NYX: variants seen among roughly 807,000 people sequenced by gnomAD.
The protein encoded by NYX is leucine-rich repeat protein.
For missense variants in NYX, 481 were observed against 485.4 expected (o/e 0.99, Z 0.09); for synonymous variants, 258 against 245.7 (o/e 1.05, Z -0.47).
chrX:41,461,444 T>C (rs893315066), intron 2 of NYX, among the ~76,000 whole-genome samples: 1 of 109,300 alleles, frequency 9.1e-6, no homozygotes, highest in African/African-American at 3.3e-5. Context: ...CTGATGGGCA[T>C]TTGGGGTGGT....
chrX:41,475,026 A>T lies in NYX; in HGVS notation c.*127A>T, dbSNP rs978067833. The T allele has an allele frequency of 5.1e-5, 31 of 609,753 alleles. No homozygotes were observed. Among genetic ancestry groups the T allele is most frequent in the Middle Eastern group, 6.9e-4 (2 of 2,898 alleles). 50.3% of individuals were successfully genotyped at this position (609,753 alleles called of 1,213,427 possible). Reference sequence around the variant, plus strand: ...GGTGGAAGGAACCGTTTGCCTCCAGAGATGGCCCCAGGGAGAACACAGGGA... The same window carrying T: ...GGTGGAAGGAACCGTTTGCCTCCAGTGATGGCCCCAGGGAGAACACAGGGA... On this transcript the variant is annotated 3_prime_UTR_variant, in exon 3 of 3. Coordinates refer to ENST00000378220, the MANE Select transcript of NYX (RefSeq NM_001378477.3).
intron 2 of NYX, among the ~76,000 whole-genome samples, chrX:41,456,156 G>C (rs1165677510): frequency 9.0e-6 from 1 of 111,309 alleles, no homozygotes; most frequent in Non-Finnish European, 1.9e-5. Flanking sequence ...GATCAACATG[G>C]TGGAACCCCG....
intron 2 of NYX, among the ~76,000 whole-genome samples, chrX:41,459,644 G>T (rs773044535): frequency 1.8e-5 from 2 of 110,470 alleles, no homozygotes; most frequent in African/African-American, 3.3e-5. Context: ...AAAGAAAAAA[G>T]AAAACAAAAA....
At chrX:41,468,733 A>G (rs2064349293) in intron 2 of NYX, among the ~76,000 whole-genome samples, 1 of 112,487 alleles carries the variant, frequency 8.9e-6, no homozygotes, top group South Asian at 3.7e-4. Flanking sequence ...GACTGAGTGT[A>G]CTTTCCTTAA....
chrX:41,471,404 A>C (rs1041514837), intron 2 of NYX, among the ~76,000 whole-genome samples: 1 of 112,217 alleles, frequency 8.9e-6, no homozygotes, highest in African/African-American at 3.2e-5. Context: ...GAGCCACCGC[A>C]CCTGGCCCAG....
At chrX:41,472,553 A>T in intron 2 of NYX, 1 of 552,866 alleles carries the variant, frequency 1.8e-6, no homozygotes, top group Non-Finnish European at 3.1e-6. Context: ...CTCTGACTAC[A>T]GGGGGGCTCT....
chrX:41,474,798 C>T lies in NYX; in HGVS notation c.1330C>T (p.Arg444Cys), dbSNP rs776015071. Residue 444 changes from arginine to cysteine, a missense_variant, in exon 3 of 3, where the codon CGT (arginine) becomes TGT (cysteine). Coordinates refer to ENST00000378220, the MANE Select transcript of NYX (RefSeq NM_001378477.3). ...CTCCCTGTCCGACAGCCTCTCCTCC[C>T]GTGGGGTGGGAGGCGCGGGCCGGCA... The part of the protein sequence containing the change: ...NASLSDSLSS[R>C]GVGGAGRQPW... 36 of 1,200,541 alleles carry T rather than the reference C, an allele frequency of 3.0e-5. No homozygotes were observed. Among genetic ancestry groups the T allele is most frequent in the Non-Finnish European group, 3.8e-5 (34 of 891,353 alleles).
At chrX:41,464,387 C>A (rs2064331163) in intron 2 of NYX, among the ~76,000 whole-genome samples, 1 of 111,375 alleles carries the variant, frequency 9.0e-6, no homozygotes, top group East Asian at 2.8e-4. Flanking sequence ...GATCCACCCA[C>A]CTCGGCCTCC....
At chrX:41,465,909 C>T (rs2064336427) in intron 2 of NYX, among the ~76,000 whole-genome samples, 1 of 110,270 alleles carries the variant, frequency 9.1e-6, no homozygotes, top group Non-Finnish European at 1.9e-5. Flanking sequence ...TTCTTGCTTT[C>T]CCCTTGGGCT....
At position 41,474,520 on chromosome X, in the gene NYX, G is replaced by A; in HGVS notation, c.1052G>A (p.Arg351His). 8.3e-7 allele frequency: 1 copy of A among 1,206,401 alleles called. No individual in the cohort carries two copies. Among genetic ancestry groups the A allele is most frequent in the Non-Finnish European group, 1.1e-6 (1 of 894,228 alleles). Reference protein sequence around the residue: ...WLRDWMEGSGRVTDVPCASPG... With the variant: ...WLRDWMEGSGHVTDVPCASPG... ...AGGGACTGGATGGAGGGCTCCGGAC[G>A]TGTCACCGACGTGCCGTGCGCCTCC... Residue 351 changes from arginine (R) to histidine (H), a missense_variant, in exon 3 of 3, where the codon CGT becomes CAT. Arg to His is a conservative substitution (Grantham distance 29, BLOSUM62 0). Transcript: ENST00000378220.
rs111824552 is a variant in NYX, at chrX:41,456,147, A to G, written c.22+8221A>G. 2.5e-3 allele frequency among the ~76,000 whole-genome samples: 280 copies of G among 111,434 alleles called. 1 individual carries two copies. Among genetic ancestry groups the G allele is most frequent in the African/African-American group, 8.6e-3 (264 of 30,656 alleles). Reference sequence around the variant, plus strand: ...GACTAGGCGGTTCAAGACCAGCCTGATCAACATGGTGGAACCCCGTTTCTA... The same window carrying G: ...GACTAGGCGGTTCAAGACCAGCCTGGTCAACATGGTGGAACCCCGTTTCTA... On this transcript the variant is annotated intron_variant, in intron 2 of 2. Coordinates refer to ENST00000378220, the MANE Select transcript of NYX (RefSeq NM_001378477.3).
intron 2 of NYX, among the ~76,000 whole-genome samples, chrX:41,464,685 G>A: frequency 9.0e-6 from 1 of 110,572 alleles, no homozygotes; most frequent in African/African-American, 3.3e-5. Context: ...GTGTGTGTGT[G>A]TGTGTGTGTG....
At position 41,474,353 on chromosome X, in the gene NYX, C is replaced by T. The variant is rs768551423; in HGVS notation, c.885C>T (p.Asn295=). 1.7e-6 allele frequency: 2 copies of T among 1,208,487 alleles called. No individual in the cohort carries two copies. Among genetic ancestry groups the T allele is most frequent in the Admixed American group, 2.2e-5 (1 of 46,137 alleles). ...IAFVEEGAFQ[N]LSGLLALHLN... ...TCGTGGAGGAGGGCGCCTTCCAGAA[C>T]CTCTCGGGTCTCCTCGCGCTGCACC... Residue 295 remains asparagine (N), a synonymous_variant, in exon 3 of 3, where the codon AAC becomes AAT. Transcript: ENST00000378220.
Position 41,473,519 on chromosome X carries a change from G to A in NYX, c.51G>A (p.Trp17Ter). Residue 17 changes from tryptophan to a stop codon, truncating the protein, a stop_gained, in exon 3 of 3, where the codon TGG (tryptophan) becomes TGA (stop). Coordinates refer to ENST00000378220, the MANE Select transcript of NYX (RefSeq NM_001378477.3). LOFTEE classifies it low-confidence loss of function (END_TRUNC). The part of the protein sequence containing the change: ...HAVVLGLPSA[W>*]AVGACARACP... ...TGGTCCTCGGCCTGCCCAGCGCCTG[G>A]GCCGTGGGGGCCTGCGCCCGCGCTT... 1.0e-6 allele frequency: 1 copy of A among 992,787 alleles called. No individual in the cohort carries two copies. Among genetic ancestry groups the A allele is most frequent in the Non-Finnish European group, 1.3e-6 (1 of 786,558 alleles). 81.8% of individuals were successfully genotyped at this position (992,787 alleles called of 1,213,427 possible).
intron 2 of NYX, among the ~76,000 whole-genome samples, chrX:41,449,486 T>C (rs140025739): frequency 0.013 from 1,467 of 111,434 alleles, 15 homozygotes; most frequent in African/African-American, 0.046. Flanking sequence ...CTGTGATAAA[T>C]AGGACATGAC....
intron 2 of NYX, among the ~76,000 whole-genome samples, chrX:41,457,032 G>C (rs1358672757): frequency 9.0e-6 from 1 of 111,578 alleles, no homozygotes; most frequent in Non-Finnish European, 1.9e-5. Context: ...CAGAGGCCAG[G>C]TGTGGTGGTT....
intron 2 of NYX, among the ~76,000 whole-genome samples, chrX:41,466,677 A>C (rs1416656578): frequency 5.7e-5 from 6 of 104,539 alleles, no homozygotes; most frequent in African/African-American, 1.8e-4. Flanking sequence ...TTCCTGCCTC[A>C]GCCTCTCGAG....
rs770813743 is a variant in NYX, at chrX:41,474,691, TCAG to T, written c.1228_1230del (p.Ser410del). ...CCAGCGGCCACCACCGTGAGCAGGT[TCAG>T]CAGCCTCCTCTCCAAGCTGCTGGCC... On this transcript the variant is annotated inframe_deletion, in exon 3 of 3. Coordinates refer to ENST00000378220, the MANE Select transcript of NYX (RefSeq NM_001378477.3). 29 of 1,195,608 alleles carry T rather than the reference TCAG, an allele frequency of 2.4e-5. No homozygotes were observed. In the Admixed American group the frequency reaches 6.4e-4, roughly 26 times the overall value.
In NYX at chrX:41,473,926, T is replaced by C; in HGVS notation, c.458T>C (p.Leu153Pro). ...GTGCCCGAGCGCCTCCTGGCCGAACTGCCGGCCCTGCGCGAACTCGCCGCC... is the reference window on the plus strand; with the variant it reads ...GTGCCCGAGCGCCTCCTGGCCGAACCGCCGGCCCTGCGCGAACTCGCCGCC... ...FSVPERLLAE[L>P]PALRELAAFD... The change falls in exon 3 of 3, where the codon CTG (leucine) becomes CCG (proline). Residue 153 changes from leucine to proline, a missense_variant. Transcript: ENST00000378220. 9.0e-7 allele frequency: 1 copy of C among 1,115,595 alleles called. No homozygotes were observed. Among genetic ancestry groups the C allele is most frequent in the South Asian group, 2.0e-5 (1 of 49,173 alleles). 91.9% of individuals were successfully genotyped at this position (1,115,595 alleles called of 1,213,427 possible).
Sources: gnomAD v4.1 joint callset for allele counts (sites outside exome capture counted in the v4.1 genomes callset) on GRCh38, gnomAD v4.1.1 for gene constraint, MANE v1.5 for transcripts, NCBI Gene and HGNC (gene_info 2026-07-23, HGNC 2026-07-21) for gene names.